Variants in TMEM132D observed in about 807,000 individuals in gnomAD.
TMEM132D encodes transmembrane protein 132D.
A neutral mutation model predicts 62.3 loss-of-function variants in TMEM132D; 21 were observed. That is an observed-to-expected ratio of 0.34 (90% CI 0.24 to 0.49). The LOEUF is 0.49. TMEM132D is among the 20% of genes least tolerant of loss of function. TMEM132D has a pLI of 0.99. For missense variants in TMEM132D, 1,346 were observed against 1,402.8 expected (o/e 0.96, Z 0.65); for synonymous variants, 621 against 575.6 (o/e 1.08, Z -1.13).
chr12:129,237,520 T>G (rs1879817727), intron 4 of TMEM132D, among the ~76,000 whole-genome samples: 1 of 152,232 alleles, frequency 6.6e-6, no homozygotes, highest in African/African-American at 2.4e-5. Flanking sequence ...AATTATTGTT[T>G]AATTTCCATA....
chr12:129,533,738 G>A (rs947290842), intron 2 of TMEM132D, among the ~76,000 whole-genome samples: 6 of 152,094 alleles, frequency 3.9e-5, no homozygotes, highest in South Asian at 2.1e-4. Context: ...AGCTATAGTC[G>A]GTAGCATTAT....
At chr12:129,328,287 T>C (rs1395806161) in intron 4 of TMEM132D, among the ~76,000 whole-genome samples, 4 of 152,248 alleles carry the variant, frequency 2.6e-5, no homozygotes, top group African/African-American at 9.6e-5. Flanking sequence ...TGAGCTCTGC[T>C]AAATCTCAAG....
At chr12:129,645,737 C>A (rs185669225) in intron 2 of TMEM132D, among the ~76,000 whole-genome samples, 50 of 152,266 alleles carry the variant, frequency 3.3e-4, no homozygotes, top group Non-Finnish European at 6.6e-4. Context: ...AATAGAGAAG[C>A]CAGGCCAAAT....
At chr12:129,740,112 G>A (rs568487863) in intron 1 of TMEM132D, among the ~76,000 whole-genome samples, 9 of 152,150 alleles carry the variant, frequency 5.9e-5, no homozygotes, top group Non-Finnish European at 1.3e-4. Context: ...CAGTCAAATG[G>A]TAGTGACTAT....
chr12:129,522,810 A>G (rs894088677), intron 3 of TMEM132D: 14 of 152,114 alleles, frequency 9.2e-5, no homozygotes, highest in African/African-American at 3.1e-4. Flanking sequence ...TACATATGTA[A>G]ATATAGATAT....
At chr12:129,449,144 G>A (rs1873193005) in intron 3 of TMEM132D, among the ~76,000 whole-genome samples, 1 of 152,212 alleles carries the variant, frequency 6.6e-6, no homozygotes, top group Non-Finnish European at 1.5e-5. Flanking sequence ...TAAGAGGGAA[G>A]ACCCTATGCA....
intron 4 of TMEM132D, among the ~76,000 whole-genome samples, chr12:129,275,955 A>G (rs1880994358): frequency 6.6e-6 from 1 of 152,226 alleles, no homozygotes; most frequent in Non-Finnish European, 1.5e-5. Context: ...AGCGTGGGCC[A>G]TGCTGCAGTC....
chr12:129,316,599 G>A (rs1181630565), intron 4 of TMEM132D, among the ~76,000 whole-genome samples: 1 of 152,144 alleles, frequency 6.6e-6, no homozygotes, highest in Non-Finnish European at 1.5e-5. Flanking sequence ...TCCATGCGCT[G>A]TTGAATAGAA....
intron 3 of TMEM132D, among the ~76,000 whole-genome samples, chr12:129,441,643 A>T (rs1872939046): frequency 6.6e-6 from 1 of 152,180 alleles, no homozygotes; most frequent in Admixed American, 6.5e-5. Context: ...CTGGGTGTAT[A>T]CTCAAAGGAA....
chr12:129,792,364 C>T (rs1177554530), intron 1 of TMEM132D, among the ~76,000 whole-genome samples: 2 of 152,108 alleles, frequency 1.3e-5, no homozygotes, highest in East Asian at 1.9e-4. Context: ...CCCTGTAAAA[C>T]GGGATCAATG....
chr12:129,286,227 G>A (rs574994111), intron 4 of TMEM132D, among the ~76,000 whole-genome samples: 21 of 152,330 alleles, frequency 1.4e-4, no homozygotes, highest in Admixed American at 2.6e-4. Flanking sequence ...AAAAATAGCT[G>A]ACGGCAAAGC....
chr12:129,123,599 GTCAAC>G (rs1175859876), intron 5 of TMEM132D, among the ~76,000 whole-genome samples: 5 of 147,976 alleles, frequency 3.4e-5, no homozygotes, highest in African/African-American at 1.2e-4. Context: ...GACTTTATGT[GTCAAC>G]TTGACTGGGT....
intron 5 of TMEM132D, among the ~76,000 whole-genome samples, chr12:129,125,768 G>A (rs534031011): frequency 2.6e-5 from 4 of 151,936 alleles, no homozygotes; most frequent in South Asian, 2.1e-4. Flanking sequence ...CTCCCAAAGC[G>A]CACTGTGAAC....
chr12:129,274,728 A>T (rs905929361), intron 4 of TMEM132D, among the ~76,000 whole-genome samples: 1 of 152,086 alleles, frequency 6.6e-6, no homozygotes, highest in African/African-American at 2.4e-5. Context: ...CTACTAAAAA[A>T]TACAAAAAAT....
chr12:129,186,360 T>C (rs2135553692), intron 5 of TMEM132D, among the ~76,000 whole-genome samples: 1 of 152,308 alleles, frequency 6.6e-6, no homozygotes, highest in Admixed American at 6.5e-5. Context: ...GCAAGGACTC[T>C]GACTGTCATC....
At chr12:129,677,579 T>A (rs1880662179) in intron 2 of TMEM132D, among the ~76,000 whole-genome samples, 1 of 152,220 alleles carries the variant, frequency 6.6e-6, no homozygotes, top group African/African-American at 2.4e-5. Context: ...TTAAAAATTT[T>A]GACATGTATT....
chr12:129,375,897 C>T (rs1205156418), intron 3 of TMEM132D, among the ~76,000 whole-genome samples: 1 of 152,138 alleles, frequency 6.6e-6, no homozygotes, highest in African/African-American at 2.4e-5. Flanking sequence ...TGAGCCCCAG[C>T]CCCAGAAGTT....
intron 4 of TMEM132D, among the ~76,000 whole-genome samples, chr12:129,268,605 A>G (rs952286631): frequency 1.3e-5 from 2 of 152,194 alleles, no homozygotes; most frequent in Non-Finnish European, 2.9e-5. Flanking sequence ...AACTAGTTCA[A>G]CCATTGTGGA....
chr12:129,439,635 G>A (rs535142131), intron 3 of TMEM132D, among the ~76,000 whole-genome samples: 1 of 152,086 alleles, frequency 6.6e-6, no homozygotes, highest in Admixed American at 6.5e-5. Context: ...TTTTAGTAGA[G>A]ACAGGGTTTC....
Sources: gnomAD v4.1 joint callset for allele counts (sites outside exome capture counted in the v4.1 genomes callset) on GRCh38, gnomAD v4.1.1 for gene constraint, MANE v1.5 for transcripts, NCBI Gene and HGNC (gene_info 2026-07-23, HGNC 2026-07-21) for gene names.